The following ZNF407 variants were observed in gnomAD, a reference collection of about 807,000 sequenced individuals.
ZNF407 encodes the protein zinc finger protein 407.
Under a neutral mutation model 131.2 loss-of-function variants are expected in ZNF407, and 17 were observed. The observed-to-expected ratio is 0.13, with a 90% confidence interval of 0.09 to 0.19. The LOEUF is 0.19. ZNF407 is among the 10% of genes least tolerant of loss of function. ZNF407 has a pLI of 1.00. For missense variants in ZNF407, 2,681 were observed against 2,830.6 expected (o/e 0.95, Z 1.20); for synonymous variants, 1,156 against 1,062.0 (o/e 1.09, Z -1.72).
chr18:74,825,919 TGCACTAAGCTA>T (rs1375868180), intron 4 of ZNF407, among the ~76,000 whole-genome samples: 2 of 152,224 alleles, frequency 1.3e-5, no homozygotes, highest in Non-Finnish European at 2.9e-5. Flanking sequence ...AACTGTGACT[TGCACTAAGCTA>T]GCACAAAGCA....
At chr18:74,836,673 G>T (rs1970564147) in intron 4 of ZNF407, among the ~76,000 whole-genome samples, 1 of 152,180 alleles carries the variant, frequency 6.6e-6, no homozygotes, top group South Asian at 2.1e-4. Context: ...CTGAGTTATA[G>T]TAAAGGTAAC....
chr18:74,841,901 G>A (rs1970638982), intron 4 of ZNF407, among the ~76,000 whole-genome samples: 1 of 152,176 alleles, frequency 6.6e-6, no homozygotes, highest in Non-Finnish European at 1.5e-5. Context: ...TCCTACGTTT[G>A]TACCTTATTA....
At chr18:74,764,660 C>T (rs1018091512) in intron 3 of ZNF407, among the ~76,000 whole-genome samples, 1 of 152,118 alleles carries the variant, frequency 6.6e-6, no homozygotes. Context: ...AGGTTATGTG[C>T]AAAAGCAGTT....
intron 1 of ZNF407, among the ~76,000 whole-genome samples, chr18:74,627,173 A>G (rs978233250): frequency 2.0e-5 from 3 of 152,124 alleles, no homozygotes; most frequent in African/African-American, 7.2e-5. Flanking sequence ...GTTGTTTCAA[A>G]CATGAGAGTA....
chr18:74,801,431 G>A (rs1457266195), intron 4 of ZNF407, among the ~76,000 whole-genome samples: 4 of 152,166 alleles, frequency 2.6e-5, no homozygotes, highest in East Asian at 3.9e-4. Context: ...CATGAAAATG[G>A]CAATGTAATG....
intron 3 of ZNF407, among the ~76,000 whole-genome samples, chr18:74,707,288 T>C (rs1020545346): frequency 5.3e-5 from 8 of 152,148 alleles, no homozygotes; most frequent in African/African-American, 1.9e-4. Flanking sequence ...TCTGTGTACA[T>C]GTCAAAGTGG....
intron 3 of ZNF407, among the ~76,000 whole-genome samples, chr18:74,774,644 G>T (rs972962217): frequency 6.6e-6 from 1 of 152,156 alleles, no homozygotes; most frequent in Non-Finnish European, 1.5e-5. Flanking sequence ...TATAAGTTAG[G>T]TTACTCAGAG....
At chr18:75,022,704 G>A (rs1285442208) in intron 8 of ZNF407, among the ~76,000 whole-genome samples, 1 of 152,158 alleles carries the variant, frequency 6.6e-6, no homozygotes, top group Non-Finnish European at 1.5e-5. Context: ...TGGTGAGGCT[G>A]TAGAGAGGAA....
chr18:74,617,591 T>C (rs1034432840), intron 1 of ZNF407, among the ~76,000 whole-genome samples: 20 of 152,326 alleles, frequency 1.3e-4, no homozygotes, highest in Admixed American at 1.3e-4. Flanking sequence ...TTTTGTATTG[T>C]CCACTGTTTC....
At chr18:74,601,329 C>CTGTGTGTGTGTGTGTG (rs60358173) in intron 1 of ZNF407, among the ~76,000 whole-genome samples, 2 of 144,760 alleles carry the variant, frequency 1.4e-5, no homozygotes, top group Admixed American at 1.4e-4. Flanking sequence ...GTGTGTATGT[C>CTGTGTGTGTGTGTGTG]TGTGTGTGTG....
chr18:74,825,277 G>A (rs1334052234), intron 4 of ZNF407, among the ~76,000 whole-genome samples: 2 of 152,050 alleles, frequency 1.3e-5, no homozygotes, highest in South Asian at 2.1e-4. Context: ...TTTGTAAACC[G>A]GCACCAGACA....
At chr18:74,916,848 GAGGA>G (rs1161897065) in intron 7 of ZNF407, among the ~76,000 whole-genome samples, 1 of 152,016 alleles carries the variant, frequency 6.6e-6, no homozygotes, top group Admixed American at 6.6e-5. Flanking sequence ...GCATTGGTTT[GAGGA>G]AGGAGATTAG....
At chr18:74,776,936 C>T (rs115090190) in intron 3 of ZNF407, among the ~76,000 whole-genome samples, 1,572 of 152,154 alleles carry the variant, frequency 0.01, 24 homozygotes, top group African/African-American at 0.036. Context: ...TTTTGATCGT[C>T]GCATTAAGTG....
intron 3 of ZNF407, among the ~76,000 whole-genome samples, chr18:74,764,507 G>A (rs1200385247): frequency 2.0e-5 from 3 of 152,068 alleles, no homozygotes; most frequent in African/African-American, 7.2e-5. Context: ...CTGCTGGTCA[G>A]AAATACTTGA....
chr18:74,988,213 A>C (rs1202841495), intron 8 of ZNF407, among the ~76,000 whole-genome samples: 1 of 152,222 alleles, frequency 6.6e-6, no homozygotes, highest in African/African-American at 2.4e-5. Flanking sequence ...ATCCATATAA[A>C]AAAATGAACC....
At position 74,837,404 on chromosome 18, in the gene ZNF407, TA is replaced by T. The variant is rs143932343; in HGVS notation, c.4878-39783del. 4.8e-3 allele frequency among the ~76,000 whole-genome samples: 721 copies of T among 148,952 alleles called. 7 individuals carry two copies. Among genetic ancestry groups the T allele is most frequent in the African/African-American group, 0.015 (608 of 40,772 alleles). ...AAAGATCATTCAGTGAGGCTTACAT[TA>T]AAAAAAAAATCCAATACTAGATGTG... is the stretch of plus-strand genomic sequence containing the variant. On this transcript the variant is annotated intron_variant, in intron 4 of 8. Transcript: ENST00000299687.
chr18:74,885,959 C>T (rs546910144), intron 6 of ZNF407, among the ~76,000 whole-genome samples: 13 of 152,018 alleles, frequency 8.6e-5, no homozygotes, highest in South Asian at 2.1e-4. Context: ...AAAAAATAAC[C>T]GGAAAAATTA....
intron 1 of ZNF407, among the ~76,000 whole-genome samples, chr18:74,600,253 T>C (rs1470136422): frequency 2.0e-5 from 3 of 152,166 alleles, no homozygotes; most frequent in Admixed American, 2.0e-4. Context: ...GCTGGGGAAC[T>C]GGATTCAGAA....
chr18:74,814,648 A>G (rs1057376033), intron 4 of ZNF407, among the ~76,000 whole-genome samples: 1 of 152,192 alleles, frequency 6.6e-6, no homozygotes, highest in African/African-American at 2.4e-5. Context: ...GAAGATAAAC[A>G]TATTTTTTTA....
Sources: gnomAD v4.1 joint callset for allele counts (sites outside exome capture counted in the v4.1 genomes callset) on GRCh38, gnomAD v4.1.1 for gene constraint, MANE v1.5 for transcripts, NCBI Gene and HGNC (gene_info 2026-07-23, HGNC 2026-07-21) for gene names.